ENGASE: variants seen among roughly 807,000 people sequenced by gnomAD.
The protein encoded by ENGASE is endo-beta-N-acetylglucosaminidase.
ENGASE carries 69 observed loss-of-function variants against 78.5 expected under a neutral mutation model. That is an observed-to-expected ratio of 0.88 (90% CI 0.72 to 1.07). The LOEUF is 1.07. Ranked by LOEUF, ENGASE falls within the 50% of genes least tolerant of loss-of-function variation. The pLI, the probability that ENGASE is intolerant of heterozygous loss-of-function variation, is 0.00. For synonymous variants in ENGASE, 408 were observed against 408.9 expected, an observed-to-expected ratio of 1.00 and a Z score of 0.03; for missense variants, 943 against 988.4, an observed-to-expected ratio of 0.95 and a Z score of 0.62.
intron 1 of ENGASE, among the ~76,000 whole-genome samples, chr17:79,076,227 C>G (rs2145967477): frequency 6.6e-6 from 1 of 152,250 alleles, no homozygotes; most frequent in Non-Finnish European, 1.5e-5. Context: ...GGTGCCATGG[C>G]CTCTAAATAG....
chr17:79,083,204 G>A lies in ENGASE; in HGVS notation c.1142+81G>A. 1.9e-6 allele frequency: 2 copies of A among 1,065,128 alleles called. No individual in the cohort carries two copies. Among genetic ancestry groups the A allele is most frequent in the Non-Finnish European group, 2.8e-6 (2 of 708,714 alleles). The allele number at this position is 1,065,128 out of a possible 1,614,324, so 66.0% of individuals were successfully genotyped here. A position where few individuals can be genotyped will look rare whatever the true frequency, so the allele number is the denominator to read the frequency against. ...GGTGTCTCTGATAGGACACGTTTGTGCTCTTTAGTGACCCTTCCTATGGGG... is the reference window on the plus strand; with the variant it reads ...GGTGTCTCTGATAGGACACGTTTGTACTCTTTAGTGACCCTTCCTATGGGG... On this transcript the variant is annotated intron_variant, in intron 8 of 13. Transcript: ENST00000579016. The surrounding 1 kb of genome is among the most constrained non-coding windows in gnomAD (Gnocchi z 4.9).
At chr17:79,085,378 A>G in intron 12 of ENGASE, 36 bp downstream of exon 12, 4 of 1,520,674 alleles carry the variant, frequency 2.6e-6, no homozygotes, top group Non-Finnish European at 3.6e-6. Flanking sequence ...CTTCTCCCTC[A>G]CTCAAGTCTC....
intron 3 of ENGASE, among the ~76,000 whole-genome samples, chr17:79,078,662 G>A (rs2073030506): frequency 6.6e-6 from 1 of 152,204 alleles, no homozygotes; most frequent in Non-Finnish European, 1.5e-5. Context: ...AGTCCGCGCG[G>A]CGCTTTTAAA....
chr17:79,083,530 C>G lies in ENGASE; in HGVS notation c.1191C>G (p.Ser397=). 1 of 1,614,232 alleles carries G rather than the reference C, an allele frequency of 6.2e-7. No individual in the cohort carries two copies. The highest frequency in any genetic ancestry group is 8.5e-7 in the Non-Finnish European group (1 of 1,180,038). The change falls in exon 9 of 14, where the codon TCC becomes TCG. Residue 397 remains serine (S), a synonymous_variant. Coordinates refer to ENST00000579016, the MANE Select transcript of ENGASE (RefSeq NM_001042573.3). The surrounding 1 kb of genome is among the most constrained non-coding windows in gnomAD (Gnocchi z 4.9). ...ERYLPTHSIC[S]LPFVTSFCLG... ...ATCTGCCCACACATAGCATCTGCTC[C>G]TTGCCTTTCGTCACGTCCTTCTGCC...
At chr17:79,080,842 C>T in intron 5 of ENGASE, 83 bp from the exon 6 acceptor site, 1 of 1,504,376 alleles carries the variant, frequency 6.6e-7, no homozygotes, top group Non-Finnish European at 8.9e-7. Flanking sequence ...CTCTGCATCC[C>T]CCTGTCTGTC....
chr17:79,083,009 T>G lies in ENGASE; in HGVS notation c.1039-11T>G. The G allele has an allele frequency of 6.2e-7, 1 of 1,612,982 alleles. No homozygotes were observed. The highest frequency in any genetic ancestry group is 8.5e-7 in the Non-Finnish European group (1 of 1,179,370). Reference sequence around the variant, plus strand: ...TCCTGATGTGCCCAGCGTCTCCCTCTGTCTCTTCAGTCGTTGGAGCTGATC... The same window carrying G: ...TCCTGATGTGCCCAGCGTCTCCCTCGGTCTCTTCAGTCGTTGGAGCTGATC... On this transcript the variant is annotated splice_polypyrimidine_tract_variant and intron_variant, in intron 7 of 13. Coordinates refer to ENST00000579016, the MANE Select transcript of ENGASE (RefSeq NM_001042573.3). The surrounding 1 kb of genome is among the most constrained non-coding windows in gnomAD (Gnocchi z 4.9).
At chr17:79,078,036 C>G (rs915814577) in intron 3 of ENGASE, among the ~76,000 whole-genome samples, 172 bp downstream of exon 3, 5 of 152,122 alleles carry the variant, frequency 3.3e-5, no homozygotes, top group African/African-American at 1.2e-4. Flanking sequence ...CCCAGTGTTT[C>G]ATCTGTAAAA....
chr17:79,085,889 C>G (rs1046278046), intron 13 of ENGASE, 44 bp from the exon 14 acceptor site: 26 of 1,573,642 alleles, frequency 1.7e-5, no homozygotes, highest in Non-Finnish European at 2.1e-5. Flanking sequence ...CACCCTCTCC[C>G]CGCCCCCGGG....
At position 79,081,047 on chromosome 17, in the gene ENGASE, G is replaced by T; in HGVS notation, c.846G>T (p.Trp282Cys). 1 of 1,530,028 alleles carries T rather than the reference G, an allele frequency of 6.5e-7. No individual in the cohort carries two copies. Among genetic ancestry groups the T allele is most frequent in the South Asian group, 1.1e-5 (1 of 90,054 alleles). The allele number at this position is 1,530,028 out of a possible 1,614,324, so 94.8% of individuals were successfully genotyped here. ...DSVVQSGQLKWQDELNQHNRV... is the reference protein window; with the variant it reads ...DSVVQSGQLKCQDELNQHNRV... Reference sequence around the variant, plus strand: ...TGGTGCAAAGTGGGCAGCTCAAATGGCAAGACGAACTCAACCAGCACAACA... The same window carrying T: ...TGGTGCAAAGTGGGCAGCTCAAATGTCAAGACGAACTCAACCAGCACAACA... The change falls in exon 6 of 14, where the codon TGG (tryptophan) becomes TGT (cysteine). Residue 282 changes from tryptophan to cysteine, a missense_variant. Coordinates refer to ENST00000579016, the MANE Select transcript of ENGASE (RefSeq NM_001042573.3).
At position 79,081,054 on chromosome 17, in the gene ENGASE, G is replaced by T. The variant is rs547678422; in HGVS notation, c.853G>T (p.Glu285Ter). ...AAGTGGGCAGCTCAAATGGCAAGACGAACTCAACCAGCACAACAGGTGAGC... is the reference window on the plus strand; with the variant it reads ...AAGTGGGCAGCTCAAATGGCAAGACTAACTCAACCAGCACAACAGGTGAGC... ...VQSGQLKWQD[E>*]LNQHNRVFFD... is the part of the protein sequence containing the mutation. The change falls in exon 6 of 14, where the codon GAA (glutamate) becomes TAA (stop). Residue 285 changes from glutamate to a stop codon, truncating the protein, a stop_gained. Transcript: ENST00000579016. LOFTEE classifies it high-confidence loss of function. The T allele has an allele frequency of 1.4e-6, 2 of 1,428,290 alleles. No individual in the cohort carries two copies. Among genetic ancestry groups the T allele is most frequent in the Admixed American group, 3.8e-5 (2 of 53,272 alleles). The allele number at this position is 1,428,290 out of a possible 1,614,324, so 88.5% of individuals were successfully genotyped here.
chr17:79,078,306 C>T (rs1034257464), intron 3 of ENGASE, among the ~76,000 whole-genome samples: 15 of 152,140 alleles, frequency 9.9e-5, no homozygotes, highest in Non-Finnish European at 1.9e-4. Flanking sequence ...CACTACTGCA[C>T]TCCAGCCTGG....
chr17:79,075,068 C>T lies in ENGASE; in HGVS notation c.124C>T (p.Arg42Trp). 8.4e-7 allele frequency: 1 copy of T among 1,188,214 alleles called. No homozygotes were observed. Among genetic ancestry groups the T allele is most frequent in the Non-Finnish European group, 1.0e-6 (1 of 953,764 alleles). The allele number at this position is 1,188,214 out of a possible 1,614,324, so 73.6% of individuals were successfully genotyped here. Residue 42 changes from arginine to tryptophan, a missense_variant, in exon 1 of 14, where the codon CGG becomes TGG. Coordinates refer to ENST00000579016, the MANE Select transcript of ENGASE (RefSeq NM_001042573.3). ...GCAGGAGGATCAGGAGCCGCGGCCGCGGCGGCGGCGGCCGGGAAGGAGGTG... is the reference window on the plus strand; with the variant it reads ...GCAGGAGGATCAGGAGCCGCGGCCGTGGCGGCGGCGGCCGGGAAGGAGGTG... ...EEQEDQEPRP[R>W]RRRPGRSIKD...
At chr17:79,084,091 A>C (rs1251248199) in intron 10 of ENGASE, 140 bp downstream of exon 10, 7 of 706,106 alleles carry the variant, frequency 9.9e-6, no homozygotes, top group Non-Finnish European at 1.6e-5. Flanking sequence ...ATTGTGATCA[A>C]AAATGCATTA....
intron 7 of ENGASE, chr17:79,082,462 T>G: frequency 1.6e-5 from 19 of 1,206,670 alleles, no homozygotes; most frequent in Non-Finnish European, 2.0e-5. Context: ...ACGGGGGAGG[T>G]GCCCAGGGTT....
Position 79,080,373 on chromosome 17 carries a change from C to T in ENGASE, c.723+9C>T. The T allele has an allele frequency of 6.2e-7, 1 of 1,611,648 alleles. No homozygotes were observed. Among genetic ancestry groups the T allele is most frequent in the Non-Finnish European group, 8.5e-7 (1 of 1,179,782 alleles). ...TCGAGAACTCGCTGAGTGTGAGTGC[C>T]CAGCCCTCACCCACCTCCCCGCCCC... On this transcript the variant is annotated intron_variant, in intron 5 of 13. Coordinates refer to ENST00000579016, the MANE Select transcript of ENGASE (RefSeq NM_001042573.3).
chr17:79,078,196 C>T (rs1229669871), intron 3 of ENGASE, among the ~76,000 whole-genome samples: 2 of 152,082 alleles, frequency 1.3e-5, no homozygotes, highest in South Asian at 2.1e-4. Context: ...AAAAATTAGC[C>T]AGGCATGGTG....
rs1256797040 is a variant in ENGASE, at chr17:79,086,991, T to C, written c.*642T>C. 1.4e-5 allele frequency: 7 copies of C among 506,654 alleles called. No individual in the cohort carries two copies. The highest frequency in any genetic ancestry group is 3.9e-5 in the African/African-American group (2 of 51,710). 31.4% of individuals were successfully genotyped at this position (506,654 alleles called of 1,614,324 possible). Reference sequence around the variant, plus strand: ...CCCAGCTGCTCCGTGTTTCCTGGCGTTGGCAATTTACTGTGCTGCTGAGTG... The same window carrying C: ...CCCAGCTGCTCCGTGTTTCCTGGCGCTGGCAATTTACTGTGCTGCTGAGTG... On this transcript the variant is annotated 3_prime_UTR_variant, in exon 14 of 14. Transcript: ENST00000579016.
In ENGASE at chr17:79,085,694, GGGA is replaced by G; in HGVS notation, c.1783_1785del (p.Glu595del). 1.9e-6 allele frequency: 3 copies of G among 1,613,920 alleles called. No homozygotes were observed. On this transcript the variant is annotated inframe_deletion, in exon 13 of 14. Transcript: ENST00000579016. ...TGCTTCTCACGGCCGCCGGGTAGTC[GGGA>G]GGAGGAGAGCTTCACCTGTCGGCTT...
rs139356201 is a variant in ENGASE, at chr17:79,077,933, C to T, written c.416+69C>T. 4.6e-3 allele frequency: 2,151 copies of T among 467,860 alleles called. 10 individuals are homozygous for T. Among genetic ancestry groups the T allele is most frequent in the Non-Finnish European group, 5.9e-3 (1,466 of 247,192 alleles). The allele number at this position is 467,860 out of a possible 1,614,324, so 29.0% of individuals were successfully genotyped here. ...TTTGCTGGGGTGGGGGCTGGAGGGG[C>T]GGGAGAGAGTGCCATGTGTAGAAAG... On this transcript the variant is annotated intron_variant, in intron 3 of 13. Coordinates refer to ENST00000579016, the MANE Select transcript of ENGASE (RefSeq NM_001042573.3).
Sources: gnomAD v4.1 joint callset for allele counts (sites outside exome capture counted in the v4.1 genomes callset) on GRCh38, gnomAD v4.1.1 for gene constraint, Gnocchi (gnomAD v3.1) non-coding constraint, MANE v1.5 for transcripts, NCBI Gene and HGNC (gene_info 2026-07-23, HGNC 2026-07-21) for gene names.